BTBD8: variants seen among roughly 807,000 people sequenced by gnomAD.
The protein encoded by BTBD8 is BTB domain containing 8, also known as BTB/POZ domain-containing protein 8.
In BTBD8, 110 loss-of-function variants were observed where a neutral mutation model predicts 162.9. The ratio of observed to expected loss-of-function variants is 0.68; its 90% CI spans 0.58 to 0.79. BTBD8 has a LOEUF of 0.79. Among genes scored for constraint, BTBD8 ranks in the 30% least tolerant of loss-of-function variants. The pLI is 0.00. For synonymous variants in BTBD8, 667 were observed against 716.1 expected, an observed-to-expected ratio of 0.93 and a Z score of 1.10; for missense variants, 1,905 against 2,085.4, an observed-to-expected ratio of 0.91 and a Z score of 1.68.
At chr1:92,169,105 G>A in intron 12 of BTBD8, 110 bp downstream of exon 12, 2 of 1,028,562 alleles carry the variant, frequency 1.9e-6, no homozygotes, top group Non-Finnish European at 2.7e-6. Flanking sequence ...GCTTCTGTTG[G>A]ATAATAGGAT....
chr1:92,182,029 G>A lies in BTBD8; in HGVS notation c.4346G>A (p.Gly1449Glu), dbSNP rs1360976156. 6 of 1,551,374 alleles carry A rather than the reference G, an allele frequency of 3.9e-6. No individual in the cohort carries two copies. The highest frequency in any genetic ancestry group is 1.4e-5 in the African/African-American group (1 of 73,040). Residue 1449 changes from glycine to glutamate, a missense_variant, in exon 17 of 18, where the codon GGA (glycine) becomes GAA (glutamate). By Grantham distance (98) the Gly-to-Glu change is moderately conservative. Coordinates refer to ENST00000636805, the MANE Select transcript of BTBD8 (RefSeq NM_001376131.1). ...LLSVDECEEL[G>E]SDEGEVHTPF... is the part of the protein sequence containing the mutation. ...TCAGTCGATGAATGTGAAGAGCTGG[G>A]ATCAGATGAAGGAGAAGTCCATACT...
At chr1:92,158,785 A>G (rs1557459753) in intron 9 of BTBD8, among the ~76,000 whole-genome samples, 1 of 152,056 alleles carries the variant, frequency 6.6e-6, no homozygotes. Flanking sequence ...AAAATGAAAA[A>G]AAAAATTTAA....
At chr1:92,140,704 T>G (rs981287108) in intron 6 of BTBD8, among the ~76,000 whole-genome samples, 4 of 152,252 alleles carry the variant, frequency 2.6e-5, no homozygotes, top group Non-Finnish European at 5.9e-5. Flanking sequence ...CTTAGGGTTA[T>G]TTGTAGACAT....
chr1:92,127,372 T>A (rs561230675), intron 4 of BTBD8, among the ~76,000 whole-genome samples: 1 of 152,282 alleles, frequency 6.6e-6, no homozygotes, highest in East Asian at 1.9e-4. Flanking sequence ...TCTAGTATGA[T>A]CTCCTATGCT....
At chr1:92,104,332 G>A (rs1648671725) in intron 3 of BTBD8, among the ~76,000 whole-genome samples, 1 of 152,188 alleles carries the variant, frequency 6.6e-6, no homozygotes, top group Admixed American at 6.5e-5. Context: ...AATTATGAGT[G>A]AATGAATACA....
chr1:92,120,419 C>A (rs544089030), intron 4 of BTBD8, among the ~76,000 whole-genome samples: 2 of 152,002 alleles, frequency 1.3e-5, no homozygotes, highest in Admixed American at 6.6e-5. Flanking sequence ...GAAAGACCTG[C>A]CTGAGGCTAT....
At chr1:92,165,723 G>A (rs528234131) in intron 9 of BTBD8, among the ~76,000 whole-genome samples, 7 of 152,092 alleles carry the variant, frequency 4.6e-5, no homozygotes, top group South Asian at 2.1e-4. Flanking sequence ...TGAGCTGGGG[G>A]GCTGGTCTTC....
At chr1:92,111,966 C>T (rs755028101) in intron 4 of BTBD8, among the ~76,000 whole-genome samples, 3 of 152,046 alleles carry the variant, frequency 2.0e-5, no homozygotes, top group Non-Finnish European at 2.9e-5. Context: ...GGGTTTGTTC[C>T]CAAACCTGCG....
intron 4 of BTBD8, among the ~76,000 whole-genome samples, chr1:92,118,374 G>A (rs1376282006): frequency 3.4e-5 from 5 of 147,294 alleles, no homozygotes; most frequent in Admixed American, 6.8e-5. Flanking sequence ...TTTATCTGAT[G>A]TTTTTCTCAC....
At chr1:92,106,954 GCCC>G in intron 3 of BTBD8, among the ~76,000 whole-genome samples, 1 of 152,092 alleles carries the variant, frequency 6.6e-6, no homozygotes, top group South Asian at 2.1e-4. Flanking sequence ...TACACCTGTA[GCCC>G]CAGGTACTTG....
chr1:92,094,578 T>C (rs1404368638), intron 2 of BTBD8, among the ~76,000 whole-genome samples: 6 of 152,226 alleles, frequency 3.9e-5, no homozygotes, highest in Non-Finnish European at 5.9e-5. Context: ...TGGTGTGTAC[T>C]TTGTGCACTT....
chr1:92,098,496 CTT>C (rs1648510246), intron 2 of BTBD8, among the ~76,000 whole-genome samples: 1 of 152,142 alleles, frequency 6.6e-6, no homozygotes, highest in South Asian at 2.1e-4. Context: ...CTGACAGACT[CTT>C]TTCCAAAATG....
chr1:92,110,838 T>A (rs1186252071), intron 4 of BTBD8, among the ~76,000 whole-genome samples: 1 of 152,124 alleles, frequency 6.6e-6, no homozygotes, highest in South Asian at 2.1e-4. Flanking sequence ...CTACCGCACC[T>A]GGCTGCTGAC....
intron 5 of BTBD8, 75 bp downstream of exon 5, chr1:92,129,851 A>G: frequency 8.1e-7 from 1 of 1,239,006 alleles, no homozygotes. Flanking sequence ...CTTTTTATGA[A>G]TCTGATTTCC....
Position 92,112,886 on chromosome 1 carries a change from A to C in BTBD8, c.662+4885A>C, listed in dbSNP as rs139392124. On this transcript the variant is annotated intron_variant, in intron 4 of 17. Transcript: ENST00000636805. ...AATAAATAAATAAATACATTCTTAG[A>C]GCAAGAATACTTTAAAAATTAGTCC... Among the ~76,000 whole-genome samples the C allele has an allele frequency of 7.3e-4, 111 of 152,370 alleles. 1 individual carries two copies. In the East Asian group the frequency reaches 0.018, roughly 25 times the overall value.
At chr1:92,173,637 T>TC (rs1266036453) in intron 13 of BTBD8, among the ~76,000 whole-genome samples, 1 of 152,172 alleles carries the variant, frequency 6.6e-6, no homozygotes, top group Non-Finnish European at 1.5e-5. Context: ...GAAGGAAGTT[T>TC]CCCCCAGAAA....
intron 17 of BTBD8, among the ~76,000 whole-genome samples, chr1:92,183,114 A>C (rs905581331): frequency 6.6e-6 from 1 of 152,138 alleles, no homozygotes; most frequent in Admixed American, 6.6e-5. Context: ...AAAGTTTTCA[A>C]ATAAAAAGAT....
intron 7 of BTBD8, 151 bp downstream of exon 7, chr1:92,141,362 A>G: frequency 1.1e-6 from 1 of 895,996 alleles, no homozygotes; most frequent in Admixed American, 3.8e-5. Flanking sequence ...AATAATTCAT[A>G]TGATCTGCTT....
rs569895466 is a variant in BTBD8 at position 92,105,660 on chromosome 1, A to G, written c.545-2224A>G. On this transcript the variant is annotated intron_variant, in intron 3 of 17. Transcript: ENST00000636805. The stretch of plus-strand genomic sequence containing the variant: ...GAGCTACTGGCCAAAGTTTGTTGAC[A>G]GGCAAGGTTACGATAAACAGTTGTT... 7.2e-5 allele frequency among the ~76,000 whole-genome samples: 11 copies of G among 152,386 alleles called. No homozygotes were observed. The South Asian group carries it at 2.3e-3, about 32-fold the overall frequency.
Sources: gnomAD v4.1 joint callset for allele counts (sites outside exome capture counted in the v4.1 genomes callset) on GRCh38, gnomAD v4.1.1 for gene constraint, MANE v1.5 for transcripts, NCBI Gene and HGNC (gene_info 2026-07-23, HGNC 2026-07-21) for gene names.